SPAG16: variants seen among roughly 807,000 people sequenced by gnomAD.
The protein encoded by SPAG16 is sperm-associated antigen 16 protein.
SPAG16 carries 86 observed loss-of-function variants against 80.4 expected under a neutral mutation model. The observed-to-expected ratio is 1.07, with a 90% CI of 0.90 to 1.28. SPAG16 has a LOEUF of 1.28. Ranked by LOEUF, SPAG16 falls within the 50% of genes most tolerant of loss-of-function variation. The probability of loss-of-function intolerance (pLI) is 0.00; values close to 1 mark genes in which losing one functional copy is unlikely to be tolerated. For synonymous variants in SPAG16, 294 were observed against 265.9 expected, an observed-to-expected ratio of 1.11 and a Z score of -1.03; for missense variants, 870 against 765.3, an observed-to-expected ratio of 1.14 and a Z score of -1.61.
chr2:214,150,232 T>A (rs2055910469), intron 15 of SPAG16, among the ~76,000 whole-genome samples: 1 of 152,086 alleles, frequency 6.6e-6, no homozygotes, highest in South Asian at 2.1e-4. Flanking sequence ...GATAATTGTG[T>A]GTTTCTTGGG....
chr2:213,937,167 C>T lies in SPAG16; in HGVS notation c.1400+7022C>T, dbSNP rs1001191950. Among the ~76,000 whole-genome samples, 24 of 152,000 alleles carry T rather than the reference C, an allele frequency of 1.6e-4. 1 individual carries two copies. Among genetic ancestry groups the T allele is most frequent in the Middle Eastern group, 3.4e-3 (1 of 294 alleles). On this transcript the variant is annotated intron_variant, in intron 12 of 15. Transcript: ENST00000331683. ...TTAGTATTTATAACACAAAATGTTC[C>T]GTTAATATATTTTATGTTCTTTATG...
chr2:213,366,394 A>C (rs987188988), intron 8 of SPAG16, among the ~76,000 whole-genome samples: 1 of 152,088 alleles, frequency 6.6e-6, no homozygotes, highest in Non-Finnish European at 1.5e-5. Flanking sequence ...GAAGTGAGAA[A>C]ATCTTTTTTT....
intron 15 of SPAG16, among the ~76,000 whole-genome samples, chr2:214,314,492 C>A (rs1454030864): frequency 6.6e-6 from 1 of 152,134 alleles, no homozygotes; most frequent in African/African-American, 2.4e-5. Context: ...GCAATAGGAG[C>A]AAAGACCCTA....
chr2:214,281,174 C>T, intron 15 of SPAG16: 1 of 334,158 alleles, frequency 3.0e-6, no homozygotes, highest in Non-Finnish European at 5.9e-6. Flanking sequence ...CAATACGCTG[C>T]AGCGTAATTT....
chr2:213,611,081 G>A (rs1396742888), intron 10 of SPAG16, among the ~76,000 whole-genome samples: 2 of 152,130 alleles, frequency 1.3e-5, no homozygotes, highest in Admixed American at 6.5e-5. Context: ...ACTCTGGTTC[G>A]AACGTCTCTG....
intron 9 of SPAG16, among the ~76,000 whole-genome samples, chr2:213,438,887 G>A (rs1049992979): frequency 2.0e-5 from 3 of 152,150 alleles, no homozygotes; most frequent in African/African-American, 7.2e-5. Flanking sequence ...CCTGTAAGAA[G>A]GTAAACATTT....
At chr2:213,603,609 T>G (rs371543516) in intron 10 of SPAG16, among the ~76,000 whole-genome samples, 78 of 152,356 alleles carry the variant, frequency 5.1e-4, no homozygotes, top group African/African-American at 1.8e-3. Flanking sequence ...CATTTATTAT[T>G]TAGCTGTTTT....
chr2:213,563,411 A>G (rs1466148822), intron 10 of SPAG16, among the ~76,000 whole-genome samples: 1 of 152,238 alleles, frequency 6.6e-6, no homozygotes, highest in Admixed American at 6.5e-5. Context: ...GGTGGCTTTA[A>G]TAACAGACAT....
At chr2:213,404,376 C>T (rs2068495950) in intron 9 of SPAG16, among the ~76,000 whole-genome samples, 1 of 152,108 alleles carries the variant, frequency 6.6e-6, no homozygotes, top group South Asian at 2.1e-4. Context: ...ACCAATGGAA[C>T]AGAACAGAGC....
At chr2:213,881,306 T>C (rs1194405654) in intron 11 of SPAG16, among the ~76,000 whole-genome samples, 1 of 152,206 alleles carries the variant, frequency 6.6e-6, no homozygotes, top group African/African-American at 2.4e-5. Context: ...TTTTTACATA[T>C]TGATTTTGTA....
At chr2:214,008,503 G>C (rs556758408) in intron 12 of SPAG16, among the ~76,000 whole-genome samples, 229 of 152,152 alleles carry the variant, frequency 1.5e-3, no homozygotes, top group African/African-American at 5.4e-3. Flanking sequence ...CCAGCACTTT[G>C]GGAGGCCAAA....
chr2:213,922,753 G>C (rs1373405854), intron 11 of SPAG16, among the ~76,000 whole-genome samples: 1 of 151,292 alleles, frequency 6.6e-6, no homozygotes, highest in African/African-American at 2.4e-5. Context: ...TGTTATAATT[G>C]AGTTTGGTTG....
chr2:213,721,582 C>T (rs1179915542), intron 10 of SPAG16, among the ~76,000 whole-genome samples: 1 of 152,128 alleles, frequency 6.6e-6, no homozygotes, highest in Non-Finnish European at 1.5e-5. Flanking sequence ...ACCACTTTTC[C>T]TCTTTAAACG....
intron 14 of SPAG16, among the ~76,000 whole-genome samples, chr2:214,131,720 C>T (rs192947533): frequency 3.0e-4 from 46 of 152,240 alleles, no homozygotes; most frequent in Admixed American, 2.0e-3. Context: ...TGGCTACATA[C>T]TGTATGACTC....
chr2:213,843,667 A>G (rs949856142), intron 10 of SPAG16, among the ~76,000 whole-genome samples: 2 of 152,010 alleles, frequency 1.3e-5, no homozygotes, highest in African/African-American at 2.4e-5. Context: ...CCTTGCCAAC[A>G]TGGTGCAAAC....
chr2:213,767,981 A>G (rs745547965), intron 10 of SPAG16, among the ~76,000 whole-genome samples: 1 of 152,206 alleles, frequency 6.6e-6, no homozygotes, highest in Non-Finnish European at 1.5e-5. Context: ...GCAGTGTGTC[A>G]AAGTGCTGCA....
chr2:214,200,682 A>T (rs528148519), intron 15 of SPAG16, among the ~76,000 whole-genome samples: 1 of 152,306 alleles, frequency 6.6e-6, no homozygotes, highest in South Asian at 2.1e-4. Context: ...TCAAACAAAC[A>T]AACAAGATCT....
intron 15 of SPAG16, among the ~76,000 whole-genome samples, chr2:214,246,121 A>G (rs988956823): frequency 6.6e-6 from 1 of 152,090 alleles, no homozygotes. Context: ...AAACCTGTTG[A>G]CAAACAAAAA....
At chr2:213,349,495 GT>G (rs1166079898) in intron 6 of SPAG16, among the ~76,000 whole-genome samples, 1 of 152,086 alleles carries the variant, frequency 6.6e-6, no homozygotes, top group Non-Finnish European at 1.5e-5. Flanking sequence ...GTCATATAGG[GT>G]TGTTGGAAGT....
Sources: gnomAD v4.1 joint callset for allele counts (sites outside exome capture counted in the v4.1 genomes callset) on GRCh38, gnomAD v4.1.1 for gene constraint, MANE v1.5 for transcripts, NCBI Gene and HGNC (gene_info 2026-07-23, HGNC 2026-07-21) for gene names.